FILIP1L: variants seen among roughly 807,000 people sequenced by gnomAD.
The protein encoded by FILIP1L is filamin A-interacting protein 1-like.
FILIP1L carries 55 observed loss-of-function variants against 96.6 expected under a neutral mutation model. That is an observed-to-expected ratio of 0.57 (90% CI 0.46 to 0.71). The LOEUF (loss-of-function observed/expected upper bound fraction) is 0.71, where lower values mean the gene tolerates loss of function less well. FILIP1L is among the 30% of genes least tolerant of loss of function. The pLI is 0.00. For synonymous variants in FILIP1L, 467 were observed against 473.9 expected, an observed-to-expected ratio of 0.99 and a Z score of 0.19; for missense variants, 1,304 against 1,321.2, an observed-to-expected ratio of 0.99 and a Z score of 0.20.
At chr3:99,983,468 A>ATATATATATGTG (rs1709221958) in intron 1 of FILIP1L, among the ~76,000 whole-genome samples, 1 of 6,362 alleles carries the variant, frequency 1.6e-4, no homozygotes, top group Non-Finnish European at 3.3e-4. Flanking sequence ...ATGTGTGTAT[A>ATATATATATGTG]TATATATATA....
intron 1 of FILIP1L, among the ~76,000 whole-genome samples, chr3:99,942,334 G>A (rs544839410): frequency 2.0e-5 from 3 of 152,208 alleles, no homozygotes; most frequent in East Asian, 3.9e-4. Flanking sequence ...GTTCTCCTGG[G>A]ATTTACTTTT....
At chr3:100,004,231 G>A (rs1024892555) in intron 1 of FILIP1L, among the ~76,000 whole-genome samples, 7 of 152,086 alleles carry the variant, frequency 4.6e-5, no homozygotes, top group African/African-American at 1.2e-4. Context: ...TGCAGCTTCC[G>A]TAGGATGATA....
chr3:99,981,213 C>A (rs1709113813), intron 1 of FILIP1L, among the ~76,000 whole-genome samples: 1 of 152,146 alleles, frequency 6.6e-6, no homozygotes, highest in African/African-American at 2.4e-5. Context: ...TTTATACCTT[C>A]CAACTTTTAA....
At chr3:99,943,936 A>G (rs1707928349) in intron 1 of FILIP1L, among the ~76,000 whole-genome samples, 1 of 152,168 alleles carries the variant, frequency 6.6e-6, no homozygotes, top group Admixed American at 6.5e-5. Flanking sequence ...TATTGGGAGG[A>G]TTAGAGATGA....
intron 1 of FILIP1L, among the ~76,000 whole-genome samples, chr3:100,004,876 G>A (rs937233058): frequency 1.1e-4 from 17 of 152,188 alleles, no homozygotes; most frequent in Admixed American, 1.1e-3. Context: ...TTAGAGGCAG[G>A]AGAATTATTG....
At chr3:99,990,111 A>T (rs890477892) in intron 1 of FILIP1L, among the ~76,000 whole-genome samples, 11 of 152,226 alleles carry the variant, frequency 7.2e-5, no homozygotes, top group African/African-American at 2.7e-4. Flanking sequence ...TTGAACTTAT[A>T]TTTACCCAGC....
intron 1 of FILIP1L, among the ~76,000 whole-genome samples, chr3:99,988,169 C>A (rs1709401832): frequency 6.6e-6 from 1 of 151,756 alleles, no homozygotes; most frequent in Non-Finnish European, 1.5e-5. Flanking sequence ...GATCTTTTAT[C>A]TTTATTTTAA....
intron 4 of FILIP1L, among the ~76,000 whole-genome samples, chr3:99,863,759 C>T (rs1294763604): frequency 3.3e-5 from 5 of 152,308 alleles, no homozygotes; most frequent in Admixed American, 6.5e-5. Context: ...CTTACCACAT[C>T]GTTCATCTCC....
At chr3:100,070,392 T>G (rs2065740980) in intron 1 of FILIP1L, among the ~76,000 whole-genome samples, 1 of 152,218 alleles carries the variant, frequency 6.6e-6, no homozygotes, top group African/African-American at 2.4e-5. Flanking sequence ...AAAGAAAATT[T>G]TATACTAGTG....
chr3:99,899,295 C>T (rs1397718135), intron 4 of FILIP1L, among the ~76,000 whole-genome samples: 3 of 152,180 alleles, frequency 2.0e-5, no homozygotes, highest in Admixed American at 6.5e-5. Flanking sequence ...TTTTGGTTTC[C>T]AATACCAAGT....
chr3:99,855,769 T>G (rs1203654709), intron 4 of FILIP1L, among the ~76,000 whole-genome samples: 3 of 152,226 alleles, frequency 2.0e-5, no homozygotes, highest in African/African-American at 7.2e-5. Flanking sequence ...CAAAAGAATG[T>G]TGAAAAACTA....
chr3:99,998,370 C>A (rs551070854), intron 1 of FILIP1L, among the ~76,000 whole-genome samples: 1 of 152,096 alleles, frequency 6.6e-6, no homozygotes, highest in Non-Finnish European at 1.5e-5. Context: ...TGTAGCAACC[C>A]ATCTTGCATG....
At chr3:100,084,976 A>G (rs1397063656) in intron 1 of FILIP1L, among the ~76,000 whole-genome samples, 2 of 152,220 alleles carry the variant, frequency 1.3e-5, no homozygotes, top group Non-Finnish European at 2.9e-5. Context: ...TTCTCTGTCC[A>G]TGTCTTTAGC....
At chr3:99,952,427 C>A (rs1207897250) in intron 1 of FILIP1L, among the ~76,000 whole-genome samples, 1 of 152,138 alleles carries the variant, frequency 6.6e-6, no homozygotes, top group Non-Finnish European at 1.5e-5. Flanking sequence ...TCTGGCTGAT[C>A]CTACCCCAGC....
At chr3:99,958,558 C>T (rs998281331) in intron 1 of FILIP1L, among the ~76,000 whole-genome samples, 16 of 152,076 alleles carry the variant, frequency 1.1e-4, no homozygotes, top group South Asian at 2.1e-4. Flanking sequence ...AGGAATTCCA[C>T]GGGGAAATGG....
intron 1 of FILIP1L, among the ~76,000 whole-genome samples, chr3:100,106,237 G>A (rs542150993): frequency 6.6e-6 from 1 of 152,208 alleles, no homozygotes; most frequent in South Asian, 2.1e-4. Context: ...ATGAGCAGAG[G>A]TGCAAGCTTC....
At position 100,082,033 on chromosome 3, in the gene FILIP1L, T is replaced by C. The variant is rs539366832; in HGVS notation, c.-11+32020A>G. ...GAAAAACTGTTCCAGTATCTTATGA[T>C]ATTCTCTCCCCATCTTCCAAAAAGT... On this transcript the variant is annotated intron_variant, in intron 1 of 5. Transcript: ENST00000477258. Among the ~76,000 whole-genome samples, 106 of 152,350 alleles carry C rather than the reference T, an allele frequency of 7.0e-4. No homozygotes were observed. The South Asian group carries it at 0.021, about 31-fold the overall frequency.
chr3:99,869,543 C>CT (rs1944685296), intron 4 of FILIP1L, among the ~76,000 whole-genome samples: 1 of 152,200 alleles, frequency 6.6e-6, no homozygotes, highest in Non-Finnish European at 1.5e-5. Context: ...AATTAACAGA[C>CT]TAACAAGTTA....
rs1707471803 is a variant in FILIP1L at position 99,931,177 on chromosome 3, A to G, written c.-10-147T>C. The G allele has an allele frequency of 7.7e-6, 5 of 653,110 alleles. 1 individual carries two copies. The South Asian group carries it at 1.0e-4, about 13-fold the overall frequency. 40.5% of individuals were successfully genotyped at this position (653,110 alleles called of 1,614,324 possible). ...TTTGATGTCTACAGCAGAGAAGGAT[A>G]TTAGCAGATTCATAAATCACAGTCT... On this transcript the variant is annotated intron_variant, in intron 1 of 5. Transcript: ENST00000477258.
Sources: allele counts gnomAD v4.1 joint callset (sites outside exome capture counted in the v4.1 genomes callset), GRCh38; gene constraint gnomAD v4.1.1; transcripts MANE v1.5; gene names NCBI Gene and HGNC (gene_info 2026-07-23, HGNC 2026-07-21).